RYR2: variants seen among roughly 807,000 people sequenced by gnomAD.
The protein encoded by RYR2 is cardiac muscle ryanodine receptor-calcium release channel.
Under a neutral mutation model 601.1 loss-of-function variants are expected in RYR2, and 227 were observed. That is an observed-to-expected ratio of 0.38 (90% confidence interval 0.34 to 0.42). The LOEUF (loss-of-function observed/expected upper bound fraction) is 0.42, where lower values mean the gene tolerates loss of function less well. RYR2 is among the 10% of genes least tolerant of loss of function. The probability of loss-of-function intolerance (pLI) is 1.00; values close to 1 mark genes in which losing one functional copy is unlikely to be tolerated. For synonymous variants in RYR2, 2,223 were observed against 2,175.1 expected (o/e 1.02, Z -0.61); for missense variants, 4,646 against 6,156.5 (o/e 0.75, Z 8.21).
intron 84 of RYR2, among the ~76,000 whole-genome samples, chr1:237,768,367 A>G (rs1694005088): frequency 6.6e-6 from 1 of 152,210 alleles, no homozygotes; most frequent in Admixed American, 6.5e-5. Context: ...CCAGTGACGT[A>G]GACAGGGTAC....
intron 10 of RYR2, among the ~76,000 whole-genome samples, chr1:237,393,933 A>G (rs1702600892): frequency 6.6e-6 from 1 of 152,216 alleles, no homozygotes; most frequent in South Asian, 2.1e-4. Context: ...GATTAAAAAC[A>G]TTCATAGGAA....
At chr1:237,717,846 T>A (rs1689391177) in intron 72 of RYR2, among the ~76,000 whole-genome samples, 1 of 152,234 alleles carries the variant, frequency 6.6e-6, no homozygotes, top group African/African-American at 2.4e-5. Flanking sequence ...CCTCTGAGTT[T>A]CTGTTCTTCA....
intron 48 of RYR2, 125 bp downstream of exon 48, chr1:237,643,572 TTA>T: frequency 1.0e-6 from 1 of 960,844 alleles, no homozygotes; most frequent in Non-Finnish European, 1.5e-6. Context: ...ACTACTTAAA[TTA>T]GTTTTTTTAA....
chr1:237,559,921 GGT>G, intron 27 of RYR2, among the ~76,000 whole-genome samples: 1 of 152,278 alleles, frequency 6.6e-6, no homozygotes, highest in East Asian at 1.9e-4. Flanking sequence ...TTAGCTTCAT[GGT>G]CAGCTGATGG....
At chr1:237,230,765 C>G (rs1019185147) in intron 1 of RYR2, among the ~76,000 whole-genome samples, 3 of 152,036 alleles carry the variant, frequency 2.0e-5, no homozygotes, top group Admixed American at 2.0e-4. Context: ...AACCCCTCTA[C>G]TAAAAGTACA....
chr1:237,798,110 T>C lies in RYR2; in HGVS notation c.14030T>C (p.Leu4677Pro). The C allele has an allele frequency of 6.2e-7, 1 of 1,612,070 alleles. No homozygotes were observed. Among genetic ancestry groups the C allele is most frequent in the Non-Finnish European group, 8.5e-7 (1 of 1,178,954 alleles). ...TTACTTGGCATGGACAAGGCAGCTCTGGACTTCAGTGATGCCAGAGAAAAG... is the reference window on the plus strand; with the variant it reads ...TTACTTGGCATGGACAAGGCAGCTCCGGACTTCAGTGATGCCAGAGAAAAG... ...SELLGMDKAALDFSDAREKKK... is the reference protein window; with the variant it reads ...SELLGMDKAAPDFSDAREKKK... Residue 4677 changes from leucine to proline, a missense_variant, in exon 97 of 105, where the codon CTG becomes CCG. Coordinates refer to ENST00000366574, the MANE Select transcript of RYR2 (RefSeq NM_001035.3).
intron 47 of RYR2, among the ~76,000 whole-genome samples, chr1:237,642,060 T>C (rs966416120): frequency 3.9e-5 from 6 of 152,220 alleles, no homozygotes; most frequent in Non-Finnish European, 5.9e-5. Context: ...GTTTGAGAGT[T>C]TGAAACACAT....
At chr1:237,204,508 A>C (rs1681567327) in intron 1 of RYR2, among the ~76,000 whole-genome samples, 1 of 151,314 alleles carries the variant, frequency 6.6e-6, no homozygotes, top group African/African-American at 2.4e-5. Context: ...AAAAACAAAA[A>C]AAAAAAAAAA....
At chr1:237,552,247 A>C (rs548332395) in intron 27 of RYR2, among the ~76,000 whole-genome samples, 1 of 152,274 alleles carries the variant, frequency 6.6e-6, no homozygotes, top group East Asian at 1.9e-4. Flanking sequence ...GTAAACAATA[A>C]AAGGCTTGTA....
chr1:237,223,042 C>A (rs1458441341), intron 1 of RYR2, among the ~76,000 whole-genome samples: 1 of 152,176 alleles, frequency 6.6e-6, no homozygotes, highest in African/African-American at 2.4e-5. Flanking sequence ...GCACTCCAGC[C>A]TGGGCAACAA....
chr1:237,565,153 CTTT>C (rs1671863254), intron 27 of RYR2, among the ~76,000 whole-genome samples: 4 of 84,602 alleles, frequency 4.7e-5, no homozygotes, highest in Non-Finnish European at 1.0e-4. Context: ...TTCTTTCTTT[CTTT>C]CTCTTTCTTT....
intron 1 of RYR2, among the ~76,000 whole-genome samples, chr1:237,268,507 A>C (rs145815323): frequency 3.0e-4 from 45 of 152,326 alleles, no homozygotes; most frequent in African/African-American, 1.1e-3. Context: ...TTTTTAAAGC[A>C]AACAAATGAA....
At chr1:237,813,506 G>A (rs1558470891) in intron 100 of RYR2, among the ~76,000 whole-genome samples, 1 of 152,174 alleles carries the variant, frequency 6.6e-6, no homozygotes, top group Non-Finnish European at 1.5e-5. Flanking sequence ...CTTTTATTAT[G>A]CAGTCGTCAT....
intron 7 of RYR2, among the ~76,000 whole-genome samples, chr1:237,376,573 T>A (rs1048785124): frequency 6.6e-6 from 1 of 152,188 alleles, no homozygotes; most frequent in Non-Finnish European, 1.5e-5. Context: ...ATTTAGGTTT[T>A]CAAAGGTATT....
chr1:237,282,143 G>A (rs1322952991), intron 2 of RYR2, among the ~76,000 whole-genome samples: 1 of 151,612 alleles, frequency 6.6e-6, no homozygotes, highest in Non-Finnish European at 1.5e-5. Flanking sequence ...CATCACTGGA[G>A]TGAACACACT....
intron 1 of RYR2, among the ~76,000 whole-genome samples, chr1:237,253,759 TC>T (rs1687696679): frequency 6.6e-6 from 1 of 152,216 alleles, no homozygotes; most frequent in African/African-American, 2.4e-5. Flanking sequence ...AGAAAAGCCT[TC>T]AGCTGAAATA....
rs942948675 is a variant in RYR2, at chr1:237,194,343, T to A, written c.49-76154T>A. On this transcript the variant is annotated intron_variant, in intron 1 of 104. Coordinates refer to ENST00000366574, the MANE Select transcript of RYR2 (RefSeq NM_001035.3). ...TCAAGAATATTAATGAATTCATTAT[T>A]TATAACCCCTTTGTTGGACCCACCG... Among the ~76,000 whole-genome samples, 3 of 152,286 alleles carry A rather than the reference T, an allele frequency of 2.0e-5. No individual in the cohort carries two copies. The East Asian group carries it at 5.8e-4, about 29-fold the overall frequency.
chr1:237,132,797 A>T (rs966657176), intron 1 of RYR2, among the ~76,000 whole-genome samples: 1 of 152,238 alleles, frequency 6.6e-6, no homozygotes, highest in Non-Finnish European at 1.5e-5. Context: ...GGGTAAGTAC[A>T]TTGAGAGTAA....
intron 4 of RYR2, among the ~76,000 whole-genome samples, chr1:237,361,455 A>T (rs565856303): frequency 6.6e-6 from 1 of 152,258 alleles, no homozygotes; most frequent in South Asian, 2.1e-4. Context: ...AATTTGATGT[A>T]TATTTTGTGT....
Sources: allele counts gnomAD v4.1 joint callset (sites outside exome capture counted in the v4.1 genomes callset), GRCh38; gene constraint gnomAD v4.1.1; transcripts MANE v1.5; gene names NCBI Gene and HGNC (gene_info 2026-07-23, HGNC 2026-07-21).